Variants in MBNL3 observed in about 807,000 individuals in gnomAD.
The protein encoded by MBNL3 is muscleblind like splicing regulator 3.
A neutral mutation model predicts 24.5 loss-of-function variants in MBNL3; 6 were observed. That is an observed-to-expected ratio of 0.25 (90% CI 0.13 to 0.48). The LOEUF (loss-of-function observed/expected upper bound fraction) is 0.48. MBNL3 is among the 20% of genes least tolerant of loss of function. The pLI is 0.99. For missense variants in MBNL3, 230 were observed against 293.5 expected (o/e 0.78, Z 1.58); for synonymous variants, 100 against 101.7 (o/e 0.98, Z 0.10).
At chrX:132,421,082 A>G (rs765838341) in intron 2 of MBNL3, among the ~76,000 whole-genome samples, 9 of 111,828 alleles carry the variant, frequency 8.0e-5, no homozygotes, top group African/African-American at 2.9e-4. Context: ...TCATCGGTAA[A>G]TTATTCTCCA....
chrX:132,466,589 G>A lies in MBNL3; in HGVS notation c.-704+22262C>T, dbSNP rs184969040. Among the ~76,000 whole-genome samples, 12 of 111,923 alleles carry A rather than the reference G, an allele frequency of 1.1e-4. No homozygotes were observed. In the East Asian group the frequency reaches 3.1e-3, roughly 29 times the overall value. ...AGTGATCTTAGAGAGGGCCTTGGGA[G>A]GTTCCCTATGAGTATGTTTTAAATG... On this transcript the variant is annotated intron_variant, in intron 1 of 8. Transcript: ENST00000370853.
intron 7 of MBNL3, among the ~76,000 whole-genome samples, chrX:132,383,488 T>C (rs1935396461): frequency 8.9e-6 from 1 of 112,537 alleles, no homozygotes; most frequent in Non-Finnish European, 1.9e-5. Flanking sequence ...CAAGAGAGCA[T>C]CTTCAAGAAA....
intron 4 of MBNL3, 78 bp downstream of exon 4, chrX:132,392,065 A>G: frequency 3.2e-6 from 3 of 923,581 alleles, no homozygotes; most frequent in Non-Finnish European, 4.4e-6. Context: ...AAAACAACAC[A>G]CTGGGCTCTG....
chrX:132,404,726 C>T (rs1257827215), intron 3 of MBNL3, among the ~76,000 whole-genome samples: 1 of 111,826 alleles, frequency 8.9e-6, no homozygotes, highest in African/African-American at 3.3e-5. Flanking sequence ...TTAAAGGGTT[C>T]CATATCAACA....
chrX:132,397,626 C>T (rs1056048039), intron 3 of MBNL3, among the ~76,000 whole-genome samples: 1 of 111,110 alleles, frequency 9.0e-6, no homozygotes, highest in Non-Finnish European at 1.9e-5. Context: ...ATTTTACTAG[C>T]GTCATAATAT....
chrX:132,432,110 G>C (rs1297791937), intron 2 of MBNL3: 1 of 111,297 alleles, frequency 9.0e-6, no homozygotes, highest in Non-Finnish European at 1.9e-5. Flanking sequence ...AAGCAAGGAG[G>C]AAAACAGTAT....
intron 2 of MBNL3, chrX:132,431,819 G>A (rs181112915): frequency 1.8e-5 from 2 of 111,248 alleles, no homozygotes; most frequent in East Asian, 5.6e-4. Context: ...TCCACACCAC[G>A]GTATTCATCC....
intron 5 of MBNL3, among the ~76,000 whole-genome samples, chrX:132,390,011 G>C (rs1177582152): frequency 9.2e-6 from 1 of 108,762 alleles, no homozygotes; most frequent in Admixed American, 1.0e-4. Context: ...TGGCCAACAT[G>C]GTGAAACCCG....
intron 2 of MBNL3, 122 bp downstream of exon 2, chrX:132,439,313 T>C: frequency 1.2e-6 from 1 of 825,497 alleles, no homozygotes; most frequent in Non-Finnish European, 1.6e-6. Flanking sequence ...TGTTTTTTTG[T>C]TAAAAAAACA....
chrX:132,476,337 A>G (rs766038667), intron 1 of MBNL3, among the ~76,000 whole-genome samples: 5 of 111,878 alleles, frequency 4.5e-5, no homozygotes, highest in Non-Finnish European at 7.5e-5. Flanking sequence ...AATGGTTGCA[A>G]TTCTTGGGAA....
upstream of MBNL3, among the ~76,000 whole-genome samples, chrX:132,489,262 G>A (rs764672955): frequency 8.9e-6 from 1 of 112,171 alleles, no homozygotes; most frequent in South Asian, 3.7e-4. Context: ...TTCGGTTCCA[G>A]GGGCCAGAAT....
chrX:132,483,599 T>C (rs1327514609), intron 1 of MBNL3, among the ~76,000 whole-genome samples: 1 of 112,153 alleles, frequency 8.9e-6, no homozygotes, highest in Non-Finnish European at 1.9e-5. Context: ...TCTTTCATTT[T>C]GCTAATAGAC....
In MBNL3 at chrX:132,477,786, A is replaced by G. The variant is rs901628595; in HGVS notation, c.-704+11065T>C. 2.7e-5 allele frequency among the ~76,000 whole-genome samples: 3 copies of G among 111,945 alleles called. No individual in the cohort carries two copies. The Admixed American group carries it at 2.8e-4, about 11-fold the overall frequency. ...CTAGGCTCAATACTCATTAGCACAA[A>G]AAAAGTGATTGGAAAGACTATGTGG... On this transcript the variant is annotated intron_variant, in intron 1 of 8. Transcript: ENST00000370853.
intron 3 of MBNL3, among the ~76,000 whole-genome samples, chrX:132,404,366 T>A (rs1369592370): frequency 8.9e-6 from 1 of 112,144 alleles, no homozygotes; most frequent in African/African-American, 3.2e-5. Flanking sequence ...ATTTTCAGTA[T>A]CCAAAAGACT....
intron 1 of MBNL3, among the ~76,000 whole-genome samples, chrX:132,464,682 A>T (rs150996175): frequency 0.015 from 1,656 of 112,203 alleles, 25 homozygotes; most frequent in African/African-American, 0.051. Flanking sequence ...ACCACACAAA[A>T]GTCTTATTGT....
chrX:132,377,268 C>T lies in MBNL3; in HGVS notation c.*2398G>A, dbSNP rs950615315. ...GGATCATACAAAACTCAGTTCCATA[C>T]ATGATGAATTTCAAAAAGGCATACA... On this transcript the variant is annotated 3_prime_UTR_variant, in exon 9 of 9. Coordinates refer to ENST00000370853, the MANE Select transcript of MBNL3 (RefSeq NM_001386889.1). The T allele has an allele frequency of 9.0e-6, 1 of 111,502 alleles. No individual in the cohort carries two copies. The highest frequency in any genetic ancestry group is 1.9e-5 in the Non-Finnish European group (1 of 53,002). 9.2% of individuals were successfully genotyped at this position (111,502 alleles called of 1,213,427 possible). A position where few individuals can be genotyped will look rare whatever the true frequency, so the allele number is the denominator to read the frequency against.
rs60044820 is a variant in MBNL3, at chrX:132,408,092, C to CTTTTTTTT, written c.178-1708_178-1701dup. Among the ~76,000 whole-genome samples the CTTTTTTTT allele has an allele frequency of 7.1e-4, 16 of 22,570 alleles. 4 individuals are homozygous for CTTTTTTTT. The highest frequency in any genetic ancestry group is 2.5e-3 in the Admixed American group (3 of 1,207). The allele number at this position is 22,570 out of a possible 115,157, so 19.6% of individuals were successfully genotyped here. ...CCTGACCTCTCTTCTGAATTTCAGT[C>CTTTTTTTT]TTTTTTTTTTTTTTTTTTTTTTTTT... On this transcript the variant is annotated intron_variant, in intron 2 of 8. Coordinates refer to ENST00000370853, the MANE Select transcript of MBNL3 (RefSeq NM_001386889.1).
intron 1 of MBNL3, among the ~76,000 whole-genome samples, chrX:132,449,254 T>C (rs755662118): frequency 8.1e-5 from 9 of 111,094 alleles, no homozygotes; most frequent in Non-Finnish European, 1.7e-4. Context: ...TCTCCCACTA[T>C]TATTGTGTCA....
chrX:132,394,878 A>G (rs190339571), intron 3 of MBNL3, among the ~76,000 whole-genome samples: 22 of 111,821 alleles, frequency 2.0e-4, no homozygotes, highest in African/African-American at 7.1e-4. Context: ...AAGTGTATGG[A>G]AAAAAAGGCT....
Sources: allele counts gnomAD v4.1 joint callset (sites outside exome capture counted in the v4.1 genomes callset), GRCh38; gene constraint gnomAD v4.1.1; transcripts MANE v1.5; gene names NCBI Gene and HGNC (gene_info 2026-07-23, HGNC 2026-07-21).